Variants in NUP153 observed in about 807,000 individuals in gnomAD.
NUP153 encodes the protein nuclear pore complex protein Nup153.
A neutral mutation model predicts 134.6 loss-of-function variants in NUP153; 27 were observed. That is an observed-to-expected ratio of 0.20 (90% CI 0.15 to 0.28). The LOEUF is 0.28. Among genes scored for constraint, NUP153 ranks in the 10% least tolerant of loss-of-function variants. NUP153 has a pLI of 1.00. For missense variants in NUP153, 1,821 were observed against 1,731.3 expected (o/e 1.05, Z -0.92); for synonymous variants, 640 against 623.5 (o/e 1.03, Z -0.40).
rs1561854244 is a variant in NUP153 at position 17,626,070 on chromosome 6, A to T, written c.3639T>A (p.Gly1213=). The T allele has an allele frequency of 2.5e-6, 4 of 1,614,070 alleles. No homozygotes were observed. The highest frequency in any genetic ancestry group is 3.4e-6 in the Non-Finnish European group (4 of 1,180,028). Residue 1213 remains glycine, a synonymous_variant, in exon 19 of 22, where the codon GGT becomes GGA. Transcript: ENST00000262077. ...PATSAGGGIF[G]SSTSSSNPPV... is the part of the protein sequence containing the mutation. Reference sequence around the variant, plus strand: ...GTGGATTGGAGGAAGAGGTGGAACTACCAAATATGCCACCACCAGCAGAAG... The same window carrying T: ...GTGGATTGGAGGAAGAGGTGGAACTTCCAAATATGCCACCACCAGCAGAAG...
Position 17,675,579 on chromosome 6 carries a change from G to T in NUP153, c.526C>A (p.His176Asn). 6.2e-7 allele frequency: 1 copy of T among 1,613,838 alleles called. No homozygotes were observed. Among genetic ancestry groups the T allele is most frequent in the South Asian group, 1.1e-5 (1 of 91,078 alleles). Residue 176 changes from histidine (H) to asparagine (N), a missense_variant, in exon 3 of 22, where the codon CAT (histidine) becomes AAT (asparagine). Coordinates refer to ENST00000262077, the MANE Select transcript of NUP153 (RefSeq NM_005124.4). The surrounding 1 kb of genome is among the most constrained non-coding windows in gnomAD (Gnocchi z 4.4). ...GTAGTTGAGATGTTATCATCATCAT[G>T]CTGAGAGGTAGAATCTTTAATTTCC... ...VKEIKDSTSQ[H>N]DDDNISTTSG...
rs930335213 is a variant in NUP153 at position 17,628,637 on chromosome 6, T to A, written c.3544+18A>T. ...AAAAAAAAAATAATAATAATAATAATAAAAAGTTAATACTTACCAGCTGTA... is the reference window on the plus strand; with the variant it reads ...AAAAAAAAAATAATAATAATAATAAAAAAAAGTTAATACTTACCAGCTGTA... On this transcript the variant is annotated intron_variant, in intron 18 of 21. Transcript: ENST00000262077. The surrounding 1 kb of genome is among the most constrained non-coding windows in gnomAD (Gnocchi z 5.4). The A allele has an allele frequency of 6.5e-5, 81 of 1,249,054 alleles. No individual in the cohort carries two copies. The East Asian group carries it at 9.9e-4, about 15-fold the overall frequency. 77.4% of individuals were successfully genotyped at this position (1,249,054 alleles called of 1,614,324 possible).
intron 12 of NUP153, among the ~76,000 whole-genome samples, chr6:17,648,953 T>C (rs1440220386): frequency 6.6e-6 from 1 of 152,234 alleles, no homozygotes; most frequent in African/African-American, 2.4e-5. Context: ...CTCTATGGTA[T>C]TGCATAAGAG....
In NUP153 at chr6:17,628,089, C is replaced by T. The variant is rs531602373; in HGVS notation, c.3544+566G>A. On this transcript the variant is annotated intron_variant, in intron 18 of 21. Transcript: ENST00000262077. The surrounding 1 kb of genome is among the most constrained non-coding windows in gnomAD (Gnocchi z 5.4). ...ATTATCAGCTATGAAGTTCTTCCTGCTATTCAGCTCACAGAATGACTTTAA... is the reference window on the plus strand; with the variant it reads ...ATTATCAGCTATGAAGTTCTTCCTGTTATTCAGCTCACAGAATGACTTTAA... 1.8e-3 allele frequency among the ~76,000 whole-genome samples: 276 copies of T among 152,274 alleles called. 2 individuals carry two copies. The highest frequency in any genetic ancestry group is 3.4e-3 in the Middle Eastern group (1 of 294).
At position 17,680,038 on chromosome 6, in the gene NUP153, C is replaced by T. The variant is rs535881031; in HGVS notation, c.335-4268G>A. ...CCAGCCCAGCCTGCATACCTTACCC[C>T]ATGTCAATTCCTGCGCTTTGCCTAA... On this transcript the variant is annotated intron_variant, in intron 2 of 21. Transcript: ENST00000262077. This position sits in a 1 kb window ranked among gnomAD's most constrained non-coding sequence, Gnocchi z 4.5. Among the ~76,000 whole-genome samples, 136 of 152,286 alleles carry T rather than the reference C, an allele frequency of 8.9e-4. 1 individual carries two copies. Among genetic ancestry groups the T allele is most frequent in the African/African-American group, 3.1e-3 (128 of 41,558 alleles).
Position 17,637,746 on chromosome 6 carries a change from G to C in NUP153, c.1871C>G (p.Ser624Cys), listed in dbSNP as rs771625161. The C allele has an allele frequency of 1.2e-6, 2 of 1,602,958 alleles. No individual in the cohort carries two copies. The highest frequency in any genetic ancestry group is 4.5e-5 in the East Asian group (2 of 44,866). ...TGTTGCGGTGGGCTGAGCAGCAACA[G>C]AATCTATCTTCGGCGATGCGAAACC... ...SPGFASPKID[S>C]VAAQPTATSP... The change falls in exon 16 of 22, where the codon TCT becomes TGT. Residue 624 changes from serine (S) to cysteine (C), a missense_variant. Ser to Cys is a moderately radical substitution (Grantham distance 112). Transcript: ENST00000262077.
At chr6:17,679,928 T>G (rs1290484670) in intron 2 of NUP153, among the ~76,000 whole-genome samples, 3 of 152,168 alleles carry the variant, frequency 2.0e-5, no homozygotes, top group African/African-American at 7.2e-5. Flanking sequence ...TTTACAGCAT[T>G]GTTGCCACCG....
intron 14 of NUP153, among the ~76,000 whole-genome samples, chr6:17,644,690 C>G (rs985635921): frequency 1.9e-4 from 29 of 152,282 alleles, no homozygotes; most frequent in Admixed American, 1.8e-3. Context: ...CGTCTGTAAT[C>G]CCAATACTTT....
intron 15 of NUP153, among the ~76,000 whole-genome samples, 154 bp from the exon 16 acceptor site, chr6:17,637,924 A>G (rs1189967172): frequency 6.6e-6 from 1 of 152,234 alleles, no homozygotes; most frequent in Non-Finnish European, 1.5e-5. Context: ...TTAAGTAATC[A>G]TATTTATCAA....
chr6:17,698,036 G>A (rs1245745847), intron 1 of NUP153, among the ~76,000 whole-genome samples: 1 of 152,062 alleles, frequency 6.6e-6, no homozygotes, highest in South Asian at 2.1e-4. Context: ...CCTTAGCAGT[G>A]TTCAGATTAT....
intron 16 of NUP153, among the ~76,000 whole-genome samples, chr6:17,634,861 G>A (rs1241666134): frequency 3.9e-5 from 6 of 152,004 alleles, no homozygotes; most frequent in Middle Eastern, 3.4e-3. Flanking sequence ...GGGGAGGCGG[G>A]GGTGGTCCAA....
intron 15 of NUP153, 139 bp downstream of exon 15, chr6:17,639,800 C>T (rs1032753826): frequency 1.3e-5 from 9 of 683,162 alleles, no homozygotes; most frequent in Middle Eastern, 4.1e-4. Context: ...AAGAATTACA[C>T]CTAACTACAT....
At chr6:17,700,757 G>C (rs1770001377) in intron 1 of NUP153, among the ~76,000 whole-genome samples, 1 of 152,078 alleles carries the variant, frequency 6.6e-6, no homozygotes, top group Non-Finnish European at 1.5e-5. Context: ...TTCAGACCTT[G>C]GTCTTTTTTC....
Position 17,662,082 on chromosome 6 carries a change from A to G in NUP153, c.1216-12T>C. On this transcript the variant is annotated splice_polypyrimidine_tract_variant and intron_variant, in intron 9 of 21. Coordinates refer to ENST00000262077, the MANE Select transcript of NUP153 (RefSeq NM_005124.4). The stretch of plus-strand genomic sequence containing the variant: ...TTTTCATATCCAGTCTGCAGGGGAA[A>G]TACACACATATTTACGTTTGCTTAT... 1 of 1,609,358 alleles carries G rather than the reference A, an allele frequency of 6.2e-7. No individual in the cohort carries two copies. The highest frequency in any genetic ancestry group is 8.5e-7 in the Non-Finnish European group (1 of 1,177,884).
In NUP153 at chr6:17,688,431, C is replaced by G. The variant is rs774310922; in HGVS notation, c.299G>C (p.Arg100Thr). 2 of 1,614,052 alleles carry G rather than the reference C, an allele frequency of 1.2e-6. No individual in the cohort carries two copies. The highest frequency in any genetic ancestry group is 1.1e-5 in the South Asian group (1 of 91,080). Reference sequence around the variant, plus strand: ...ACTGACTGCTGGCTCAGGTGTGATTCTCCCATCAGTAATATTAGAGCTCTC... The same window carrying G: ...ACTGACTGCTGGCTCAGGTGTGATTGTCCCATCAGTAATATTAGAGCTCTC... ...DEESSNITDG[R>T]ITPEPAVSNT... Residue 100 changes from arginine (R) to threonine (T), a missense_variant, in exon 2 of 22, where the codon AGA becomes ACA. By Grantham distance (71) the Arg-to-Thr change is moderately conservative. Transcript: ENST00000262077.
chr6:17,675,155 G>GGA lies in NUP153; in HGVS notation c.723+73_723+74insTC. On this transcript the variant is annotated intron_variant, in intron 4 of 21. Coordinates refer to ENST00000262077, the MANE Select transcript of NUP153 (RefSeq NM_005124.4). This position sits in a 1 kb window ranked among gnomAD's most constrained non-coding sequence, Gnocchi z 4.4. ...GCAACAGCAAAAGACTCTTGTCTCA[G>GGA]AAAAAAAAAAAAAAATTATAAGCAA... 2 of 1,291,938 alleles carry GGA rather than the reference G, an allele frequency of 1.5e-6. No individual in the cohort carries two copies. Among genetic ancestry groups the GGA allele is most frequent in the South Asian group, 2.9e-5 (2 of 69,144 alleles). 80.0% of individuals were successfully genotyped at this position (1,291,938 alleles called of 1,614,324 possible). A position where few individuals can be genotyped will look rare whatever the true frequency, so the allele number is the denominator to read the frequency against.
intron 11 of NUP153, among the ~76,000 whole-genome samples, chr6:17,654,163 A>G (rs1385674169): frequency 1.3e-5 from 2 of 152,162 alleles, no homozygotes; most frequent in East Asian, 1.9e-4. Flanking sequence ...AGGAACAAAC[A>G]AAAGATGCAT....
chr6:17,687,931 G>C (rs1373537151), intron 2 of NUP153, among the ~76,000 whole-genome samples: 7 of 151,910 alleles, frequency 4.6e-5, no homozygotes, highest in African/African-American at 1.5e-4. Context: ...TGGCTAACAC[G>C]GTGAAACCCC....
rs16879877 is a variant in NUP153, at chr6:17,622,693, A to T, written c.4174+1868T>A. Among the ~76,000 whole-genome samples, 6 of 145,436 alleles carry T rather than the reference A, an allele frequency of 4.1e-5. No homozygotes were observed. The South Asian group carries it at 8.7e-4, about 21-fold the overall frequency. Reference sequence around the variant, plus strand: ...TTATAAAATTGATTGCTCTTTACATAAAAAAAAAATAAAGAGAGGAAGTCA... The same window carrying T: ...TTATAAAATTGATTGCTCTTTACATTAAAAAAAAATAAAGAGAGGAAGTCA... On this transcript the variant is annotated intron_variant, in intron 20 of 21. Transcript: ENST00000262077.
Sources: allele counts gnomAD v4.1 joint callset (sites outside exome capture counted in the v4.1 genomes callset), GRCh38; gene constraint gnomAD v4.1.1; non-coding constraint Gnocchi (gnomAD v3.1); transcripts MANE v1.5; gene names NCBI Gene and HGNC (gene_info 2026-07-23, HGNC 2026-07-21).